EFCAB13: variants seen among roughly 807,000 people sequenced by gnomAD.
The protein encoded by EFCAB13 is EF-hand calcium-binding domain-containing protein 13.
A neutral mutation model predicts 110.2 loss-of-function variants in EFCAB13; 91 were observed. The observed-to-expected ratio is 0.83, with a 90% CI of 0.70 to 0.98. EFCAB13 has a LOEUF of 0.98. EFCAB13 is among the 50% of genes least tolerant of loss of function. The pLI is 0.00. For missense variants in EFCAB13, 968 were observed against 1,119.4 expected, an observed-to-expected ratio of 0.86 and a Z score of 1.93; for synonymous variants, 323 against 369.9, an observed-to-expected ratio of 0.87 and a Z score of 1.45.
chr17:47,435,943 C>T (rs148271225), intron 24 of EFCAB13, among the ~76,000 whole-genome samples: 1 of 152,164 alleles, frequency 6.6e-6, no homozygotes, highest in East Asian at 1.9e-4. Context: ...GCTTTTATTA[C>T]ATTAAGGTAT....
rs138324986 is a variant in EFCAB13 at position 47,404,088 on chromosome 17, T to C, written c.2161+67T>C. 30 of 1,248,970 alleles carry C rather than the reference T, an allele frequency of 2.4e-5. No homozygotes were observed. In the African/African-American group the frequency reaches 4.1e-4, roughly 17 times the overall value. The allele number at this position is 1,248,970 out of a possible 1,614,324, so 77.4% of individuals were successfully genotyped here. ...GAGTAAAGAAGATGTGCAAGGTCTA[T>C]AGGTATTTGCTTATGTTACTATAAA... On this transcript the variant is annotated intron_variant, in intron 19 of 24. Coordinates refer to ENST00000331493, the MANE Select transcript of EFCAB13 (RefSeq NM_152347.5).
At chr17:47,430,116 C>G (rs1190947643) in intron 24 of EFCAB13, 155 bp downstream of exon 24, 6 of 1,290,856 alleles carry the variant, frequency 4.6e-6, no homozygotes, top group Admixed American at 3.3e-5. Flanking sequence ...GTGTGCCAAC[C>G]CTGAGCTTCA....
At chr17:47,390,930 G>GTCTA (rs947696360) in intron 14 of EFCAB13, among the ~76,000 whole-genome samples, 27 of 151,204 alleles carry the variant, frequency 1.8e-4, no homozygotes, top group African/African-American at 5.8e-4. Flanking sequence ...CTATCTATCT[G>GTCTA]TCTATCTATC....
chr17:47,400,611 C>CTCCCT (rs551426150), intron 17 of EFCAB13, among the ~76,000 whole-genome samples: 8 of 151,636 alleles, frequency 5.3e-5, no homozygotes, highest in Non-Finnish European at 7.4e-5. Flanking sequence ...GCCTCTCTCC[C>CTCCCT]TCCCTTCCCT....
At position 47,374,698 on chromosome 17, in the gene EFCAB13, A is replaced by G; in HGVS notation, c.1104A>G (p.Lys368=). The change falls in exon 12 of 25, where the codon AAA becomes AAG. Residue 368 remains lysine (K), a synonymous_variant. Transcript: ENST00000331493. ...KRPKNTWQIR[K]FLGGVGSSNV... ...CAAAAAATACTTGGCAAATAAGAAA[A>G]TTTCTGGGTGGGGTTGGCAGCAGTA... 1.9e-6 allele frequency: 3 copies of G among 1,612,938 alleles called. No individual in the cohort carries two copies. The highest frequency in any genetic ancestry group is 2.2e-5 in the East Asian group (1 of 44,864).
intron 24 of EFCAB13, among the ~76,000 whole-genome samples, chr17:47,439,113 A>G (rs1157007319): frequency 2.0e-5 from 3 of 151,534 alleles, no homozygotes; most frequent in Non-Finnish European, 4.4e-5. Flanking sequence ...CTGTATTATA[A>G]AGATATTTCC....
At chr17:47,412,523 G>A (rs980360348) in intron 21 of EFCAB13, among the ~76,000 whole-genome samples, 11 of 152,210 alleles carry the variant, frequency 7.2e-5, no homozygotes, top group African/African-American at 2.7e-4. Context: ...ATGAATGAAT[G>A]AAGACAAAGT....
chr17:47,380,876 T>G lies in EFCAB13; in HGVS notation c.1582+1623T>G, dbSNP rs535322568. 2.3e-3 allele frequency among the ~76,000 whole-genome samples: 330 copies of G among 146,594 alleles called. 3 individuals are homozygous for G. Among genetic ancestry groups the G allele is most frequent in the African/African-American group, 7.9e-3 (311 of 39,586 alleles). ...ATCTTTGTTGGCCGCATAAATTGCT[T>G]CTTCTTTTTTTTTTTTTTTTTTTTG... On this transcript the variant is annotated intron_variant, in intron 14 of 24. Transcript: ENST00000331493.
intron 23 of EFCAB13, among the ~76,000 whole-genome samples, chr17:47,426,856 G>A (rs961157250): frequency 6.6e-6 from 1 of 152,098 alleles, no homozygotes; most frequent in Admixed American, 6.5e-5. Context: ...GGTCTCAAAA[G>A]TCTCTAAGTT....
At chr17:47,424,573 C>A (rs992355421) in intron 23 of EFCAB13, among the ~76,000 whole-genome samples, 2 of 152,112 alleles carry the variant, frequency 1.3e-5, no homozygotes, top group African/African-American at 4.8e-5. Context: ...CAGTTGCTTT[C>A]ATCACAGCCT....
At chr17:47,354,565 A>G (rs1290674844) in intron 9 of EFCAB13, among the ~76,000 whole-genome samples, 1 of 152,096 alleles carries the variant, frequency 6.6e-6, no homozygotes, top group Non-Finnish European at 1.5e-5. Flanking sequence ...TTAGGTGCAT[A>G]TATGTTTAGG....
In EFCAB13 at chr17:47,345,121, C is replaced by A. The variant is rs189925049; in HGVS notation, c.517+23C>A. On this transcript the variant is annotated intron_variant, in intron 8 of 24. Coordinates refer to ENST00000331493, the MANE Select transcript of EFCAB13 (RefSeq NM_152347.5). ...GTGGTAATAAGAGGTTCTAAAATTT[C>A]TTGAATACATTTCCTGGTTATGTGC... 149 of 1,522,464 alleles carry A rather than the reference C, an allele frequency of 9.8e-5. 1 individual carries two copies. In the African/African-American group the frequency reaches 1.7e-3, roughly 17 times the overall value. 94.3% of individuals were successfully genotyped at this position (1,522,464 alleles called of 1,614,324 possible).
chr17:47,435,971 T>G (rs1469090527), intron 24 of EFCAB13, among the ~76,000 whole-genome samples: 1 of 152,214 alleles, frequency 6.6e-6, no homozygotes, highest in Admixed American at 6.5e-5. Flanking sequence ...GTATGCCTAT[T>G]TTGCTGAGGG....
chr17:47,337,829 A>G (rs965827272), intron 5 of EFCAB13, among the ~76,000 whole-genome samples: 3 of 152,198 alleles, frequency 2.0e-5, no homozygotes, highest in Non-Finnish European at 2.9e-5. Flanking sequence ...GTGATTGGCT[A>G]TATATTGCTG....
In EFCAB13 at chr17:47,431,173, T is replaced by C. The variant is rs1414290182; in HGVS notation, c.2638+1212T>C. On this transcript the variant is annotated intron_variant, in intron 24 of 24. Transcript: ENST00000331493. The surrounding 1 kb of genome is among the most constrained non-coding windows in gnomAD (Gnocchi z 4.1). ...AAAATAAATTATTAACTATAGTCAC[T>C]GTATTGTGCTACTGAACACCAGATC... 6.6e-6 allele frequency among the ~76,000 whole-genome samples: 1 copy of C among 152,130 alleles called. No homozygotes were observed. Among genetic ancestry groups the C allele is most frequent in the East Asian group, 1.9e-4 (1 of 5,200 alleles).
chr17:47,350,116 CT>C (rs2065441345), intron 9 of EFCAB13, among the ~76,000 whole-genome samples: 1 of 152,002 alleles, frequency 6.6e-6, no homozygotes, highest in Non-Finnish European at 1.5e-5. Context: ...GTAAAAAAGA[CT>C]TCTTCAAAAG....
At chr17:47,410,319 C>T (rs893743319) in intron 21 of EFCAB13, among the ~76,000 whole-genome samples, 2 of 152,176 alleles carry the variant, frequency 1.3e-5, no homozygotes, top group African/African-American at 2.4e-5. Context: ...AACTAAATCA[C>T]TGACATTAAT....
Position 47,347,927 on chromosome 17 carries a change from G to A in EFCAB13, c.637G>A (p.Ala213Thr). The A allele has an allele frequency of 2.0e-6, 3 of 1,528,316 alleles. No individual in the cohort carries two copies. The highest frequency in any genetic ancestry group is 1.8e-6 in the Non-Finnish European group (2 of 1,124,770). The allele number at this position is 1,528,316 out of a possible 1,614,324, so 94.7% of individuals were successfully genotyped here. Reference protein sequence around the residue: ...ISISDLEMRQALKTVDIDAFQ... With the variant: ...ISISDLEMRQTLKTVDIDAFQ... Reference sequence around the variant, plus strand: ...TATAAGTGATTTAGAAATGCGACAGGCACTAAAGACTGTTGATATTGATGG... The same window carrying A: ...TATAAGTGATTTAGAAATGCGACAGACACTAAAGACTGTTGATATTGATGG... The change falls in exon 9 of 25, where the codon GCA becomes ACA. Residue 213 changes from alanine to threonine, a missense_variant. Coordinates refer to ENST00000331493, the MANE Select transcript of EFCAB13 (RefSeq NM_152347.5).
chr17:47,353,296 A>AT (rs974485379), intron 9 of EFCAB13, among the ~76,000 whole-genome samples: 43 of 149,956 alleles, frequency 2.9e-4, no homozygotes, highest in African/African-American at 9.3e-4. Flanking sequence ...TTTATTTATT[A>AT]TTTTTTTTTA....
Sources: allele counts gnomAD v4.1 joint callset (sites outside exome capture counted in the v4.1 genomes callset), GRCh38; gene constraint gnomAD v4.1.1; non-coding constraint Gnocchi (gnomAD v3.1); transcripts MANE v1.5; gene names NCBI Gene and HGNC (gene_info 2026-07-23, HGNC 2026-07-21).